RELN: variants seen among roughly 807,000 people sequenced by gnomAD.
The protein encoded by RELN is reelin.
RELN carries 108 observed loss-of-function variants against 427.6 expected under a neutral mutation model. That is an observed-to-expected ratio of 0.25 (90% confidence interval 0.22 to 0.30). The LOEUF is 0.30. RELN is among the 10% of genes least tolerant of loss of function. The pLI, the probability that RELN is intolerant of heterozygous loss-of-function variation, is 1.00. For synonymous variants in RELN, 1,524 were observed against 1,513.4 expected, an observed-to-expected ratio of 1.01 and a Z score of -0.16; for missense variants, 3,715 against 4,302.8, an observed-to-expected ratio of 0.86 and a Z score of 3.82.
intron 64 of RELN, among the ~76,000 whole-genome samples, chr7:103,475,485 G>T (rs1007998937): frequency 6.6e-6 from 1 of 152,110 alleles, no homozygotes; most frequent in East Asian, 1.9e-4. Context: ...CAAAGTTAAA[G>T]CAATGAAAAT....
intron 6 of RELN, among the ~76,000 whole-genome samples, chr7:103,745,554 C>T (rs1024540728): frequency 6.6e-6 from 1 of 151,034 alleles, no homozygotes; most frequent in Non-Finnish European, 1.5e-5. Flanking sequence ...AGCTGATAAG[C>T]AACTTCAGCA....
Position 103,561,821 on chromosome 7 carries a change from T to A in RELN, c.5343A>T (p.Gly1781=). 3.1e-6 allele frequency: 5 copies of A among 1,613,994 alleles called. No individual in the cohort carries two copies. Among genetic ancestry groups the A allele is most frequent in the Non-Finnish European group, 4.2e-6 (5 of 1,179,964 alleles). The change falls in exon 35 of 65, where the codon GGA becomes GGT. Residue 1781 remains glycine (G), a synonymous_variant. Transcript: ENST00000428762. ...CAGTTTTATTAACTTACACACAGCG[T>A]CCAGCATCACAAATCCCTCGTCCTG... ...MCSGRGICDA[G]RCVCDRGFGG... is the part of the protein sequence containing the mutation.
intron 10 of RELN, among the ~76,000 whole-genome samples, chr7:103,684,734 T>C (rs987559479): frequency 6.6e-6 from 1 of 152,158 alleles, no homozygotes; most frequent in East Asian, 1.9e-4. Flanking sequence ...CTAGAGGTGT[T>C]GTTAGTGGCA....
chr7:103,884,306 C>A (rs1026825309), intron 2 of RELN, among the ~76,000 whole-genome samples: 2 of 152,042 alleles, frequency 1.3e-5, no homozygotes, highest in Non-Finnish European at 2.9e-5. Context: ...GATTTAAATG[C>A]AAGACCTGAA....
rs3025952 is a variant in RELN, at chr7:103,590,886, C to G, written c.3913-1058G>C. 3.9e-3 allele frequency among the ~76,000 whole-genome samples: 589 copies of G among 152,340 alleles called. 5 individuals are homozygous for G. Among genetic ancestry groups the G allele is most frequent in the African/African-American group, 0.013 (557 of 41,574 alleles). On this transcript the variant is annotated intron_variant, in intron 27 of 64. Transcript: ENST00000428762. The stretch of plus-strand genomic sequence containing the variant: ...CACATCTAGAGCTTTCCTCCACATT[C>G]TGTTATACATAGCGTTGCAGAGAAT...
At chr7:103,489,391 A>T (rs1828571601) in intron 60 of RELN, among the ~76,000 whole-genome samples, 1 of 152,064 alleles carries the variant, frequency 6.6e-6, no homozygotes, top group African/African-American at 2.4e-5. Context: ...CAGAAGTGGA[A>T]ATTAAGTGTT....
chr7:103,869,717 A>C (rs1390122496), intron 2 of RELN, among the ~76,000 whole-genome samples: 2 of 152,118 alleles, frequency 1.3e-5, no homozygotes, highest in Non-Finnish European at 2.9e-5. Flanking sequence ...TAGTGTGCCT[A>C]GTTATGAATT....
intron 1 of RELN, among the ~76,000 whole-genome samples, chr7:103,952,315 A>T (rs769037032): frequency 2.6e-5 from 4 of 152,206 alleles, no homozygotes; most frequent in South Asian, 2.1e-4. Context: ...AAATGATAGA[A>T]TGTTAGCTAC....
At chr7:103,504,091 C>G (rs1260086892) in intron 51 of RELN, among the ~76,000 whole-genome samples, 2 of 152,072 alleles carry the variant, frequency 1.3e-5, no homozygotes, top group African/African-American at 2.4e-5. Flanking sequence ...GTAATCCCAG[C>G]TACTCAGGAG....
At chr7:103,619,348 G>A (rs1019565850) in intron 20 of RELN, among the ~76,000 whole-genome samples, 4 of 152,120 alleles carry the variant, frequency 2.6e-5, no homozygotes, top group African/African-American at 9.7e-5. Flanking sequence ...CAGTGCTGCT[G>A]TGGGACGGGA....
intron 3 of RELN, among the ~76,000 whole-genome samples, chr7:103,809,402 A>T (rs754264997): frequency 9.2e-5 from 14 of 152,110 alleles, no homozygotes; most frequent in Non-Finnish European, 1.9e-4. Flanking sequence ...GCAGCGGGAG[A>T]GAGAGAGGGA....
chr7:103,858,043 C>G, intron 2 of RELN, among the ~76,000 whole-genome samples: 1 of 151,818 alleles, frequency 6.6e-6, no homozygotes, highest in South Asian at 2.1e-4. Flanking sequence ...TTCTATGTCA[C>G]CAGAAGTTAA....
At chr7:103,821,217 C>T (rs963038530) in intron 3 of RELN, among the ~76,000 whole-genome samples, 2 of 152,148 alleles carry the variant, frequency 1.3e-5, no homozygotes, top group Non-Finnish European at 2.9e-5. Context: ...TTATCCACCT[C>T]TTCGTGGTTG....
chr7:103,773,085 T>C (rs1584480566), intron 4 of RELN, among the ~76,000 whole-genome samples: 1 of 151,214 alleles, frequency 6.6e-6, no homozygotes, highest in Non-Finnish European at 1.5e-5. Flanking sequence ...AAGGAGGAGA[T>C]AGATGGTTCT....
intron 27 of RELN, among the ~76,000 whole-genome samples, chr7:103,592,855 T>C (rs1336941960): frequency 1.3e-5 from 2 of 152,222 alleles, no homozygotes; most frequent in Non-Finnish European, 2.9e-5. Context: ...TATTGATATT[T>C]TTCCATTGTA....
At chr7:103,606,173 A>G (rs751040816) in intron 22 of RELN, among the ~76,000 whole-genome samples, 1 of 152,196 alleles carries the variant, frequency 6.6e-6, no homozygotes, top group Non-Finnish European at 1.5e-5. Context: ...ATAGATTTTA[A>G]TCTGAGTCAA....
chr7:103,812,499 G>A (rs1299572971), intron 3 of RELN, among the ~76,000 whole-genome samples: 1 of 152,194 alleles, frequency 6.6e-6, no homozygotes, highest in African/African-American at 2.4e-5. Flanking sequence ...TGAAAGTGGT[G>A]ACTCTAAAGA....
chr7:103,691,929 G>A (rs145447963), intron 10 of RELN, among the ~76,000 whole-genome samples: 397 of 152,190 alleles, frequency 2.6e-3, no homozygotes, highest in African/African-American at 9.3e-3. Context: ...GACAACATGA[G>A]GTGGATACTA....
intron 2 of RELN, 54 bp downstream of exon 2, chr7:103,917,021 G>T: frequency 8.3e-7 from 1 of 1,211,040 alleles, no homozygotes; most frequent in Non-Finnish European, 1.2e-6. Flanking sequence ...TAAAACATAA[G>T]ACCTATGACT....
Sources: gnomAD v4.1 joint callset for allele counts (sites outside exome capture counted in the v4.1 genomes callset) on GRCh38, gnomAD v4.1.1 for gene constraint, MANE v1.5 for transcripts, NCBI Gene and HGNC (gene_info 2026-07-23, HGNC 2026-07-21) for gene names.